ZNF385D: variants seen among roughly 807,000 people sequenced by gnomAD.
ZNF385D encodes the protein zinc finger protein 385D.
ZNF385D carries 15 observed loss-of-function variants against 35.8 expected under a neutral mutation model. That is an observed-to-expected ratio of 0.42 (90% CI 0.28 to 0.64). The LOEUF (loss-of-function observed/expected upper bound fraction) is 0.64, where lower values mean the gene tolerates loss of function less well. Ranked by LOEUF, ZNF385D falls within the 30% of genes least tolerant of loss-of-function variation. The probability of loss-of-function intolerance (pLI) is 0.23; values close to 1 mark genes in which losing one functional copy is unlikely to be tolerated. For synonymous variants in ZNF385D, 212 were observed against 186.8 expected, an observed-to-expected ratio of 1.13 and a Z score of -1.10; for missense variants, 474 against 494.6, an observed-to-expected ratio of 0.96 and a Z score of 0.39.
chr3:21,572,244 C>G (rs2063356227), intron 2 of ZNF385D, among the ~76,000 whole-genome samples: 1 of 152,092 alleles, frequency 6.6e-6, no homozygotes, highest in Non-Finnish European at 1.5e-5. Flanking sequence ...AAAGATAAGG[C>G]CAAACTTTTT....
intron 2 of ZNF385D, among the ~76,000 whole-genome samples, chr3:22,210,200 T>A (rs941361782): frequency 6.6e-6 from 1 of 151,904 alleles, no homozygotes; most frequent in Non-Finnish European, 1.5e-5. Context: ...GAGAGCTGCA[T>A]TAATAATCAT....
At chr3:21,819,103 T>G (rs2073281328) in intron 3 of ZNF385D, among the ~76,000 whole-genome samples, 3 of 151,986 alleles carry the variant, frequency 2.0e-5, no homozygotes, top group Non-Finnish European at 2.9e-5. Context: ...AATTAATACT[T>G]GGTTATAAAT....
At chr3:21,648,926 A>G (rs1405802414) in intron 2 of ZNF385D, among the ~76,000 whole-genome samples, 1 of 152,088 alleles carries the variant, frequency 6.6e-6, no homozygotes, top group African/African-American at 2.4e-5. Context: ...TATTATCTCC[A>G]TTTTACATGT....
At chr3:21,784,897 A>G (rs13100584) in intron 3 of ZNF385D, among the ~76,000 whole-genome samples, 74,516 of 151,978 alleles carry the variant, frequency 0.49, 19,241 homozygotes, top group Middle Eastern at 0.6. Flanking sequence ...TTAATTTATC[A>G]TGGACTTTTT....
intron 2 of ZNF385D, among the ~76,000 whole-genome samples, chr3:22,296,057 C>T (rs1046125192): frequency 7.2e-5 from 11 of 152,046 alleles, no homozygotes; most frequent in African/African-American, 1.4e-4. Flanking sequence ...AAGTGGAGGC[C>T]GCATACCATC....
intron 2 of ZNF385D, among the ~76,000 whole-genome samples, chr3:22,216,251 A>G (rs551645731): frequency 3.3e-5 from 5 of 152,080 alleles, no homozygotes; most frequent in South Asian, 4.1e-4. Context: ...GTAACTTGAT[A>G]AATGTTTTGA....
At chr3:21,784,800 T>A (rs1018245444) in intron 3 of ZNF385D, among the ~76,000 whole-genome samples, 2 of 152,160 alleles carry the variant, frequency 1.3e-5, no homozygotes, top group Admixed American at 6.5e-5. Context: ...AGGGTCAATT[T>A]TAGTGATGTC....
At chr3:22,140,901 T>G (rs1304362793) in intron 3 of ZNF385D, among the ~76,000 whole-genome samples, 3 of 152,198 alleles carry the variant, frequency 2.0e-5, no homozygotes, top group Admixed American at 2.0e-4. Context: ...AATACCCTAC[T>G]TTTTTAGTCA....
At chr3:22,233,461 G>A (rs1436713255) in intron 2 of ZNF385D, among the ~76,000 whole-genome samples, 3 of 152,196 alleles carry the variant, frequency 2.0e-5, no homozygotes, top group African/African-American at 4.8e-5. Context: ...ATGACTTTCT[G>A]AAATAATGTA....
At chr3:22,096,131 T>C (rs904224650) in intron 3 of ZNF385D, among the ~76,000 whole-genome samples, 29 of 151,726 alleles carry the variant, frequency 1.9e-4, no homozygotes, top group Non-Finnish European at 2.4e-4. Flanking sequence ...AAAAAAAATA[T>C]ATATACATGT....
At chr3:21,951,728 C>A (rs184267549) in intron 3 of ZNF385D, among the ~76,000 whole-genome samples, 1 of 151,702 alleles carries the variant, frequency 6.6e-6, no homozygotes, top group Admixed American at 6.6e-5. Context: ...TTTTACTATA[C>A]ATACTGAAAT....
intron 3 of ZNF385D, among the ~76,000 whole-genome samples, chr3:21,562,912 A>G (rs1414279370): frequency 6.6e-6 from 1 of 152,166 alleles, no homozygotes; most frequent in Non-Finnish European, 1.5e-5. Flanking sequence ...ATTCTGTGGT[A>G]AAGTTCTATC....
chr3:21,966,495 A>T (rs991839605), intron 3 of ZNF385D, among the ~76,000 whole-genome samples: 1 of 152,190 alleles, frequency 6.6e-6, no homozygotes. Context: ...TTATAATCAG[A>T]AATTGTTCAC....
At chr3:21,675,348 G>A (rs1177896902) in intron 1 of ZNF385D, among the ~76,000 whole-genome samples, 2 of 151,964 alleles carry the variant, frequency 1.3e-5, no homozygotes, top group Non-Finnish European at 2.9e-5. Context: ...TGGCATAAAA[G>A]CAATATTATT....
chr3:22,209,610 T>A (rs1032672088), intron 2 of ZNF385D, among the ~76,000 whole-genome samples: 1 of 151,932 alleles, frequency 6.6e-6, no homozygotes, highest in Non-Finnish European at 1.5e-5. Flanking sequence ...TCCAAGACTA[T>A]TTATCATATA....
intron 3 of ZNF385D, among the ~76,000 whole-genome samples, chr3:22,029,384 G>C (rs1333379471): frequency 2.6e-5 from 4 of 152,274 alleles, no homozygotes; most frequent in Middle Eastern, 3.4e-3. Context: ...GCCCAATTCA[G>C]GCAGGACTAC....
chr3:21,813,397 C>T (rs1360733989), intron 3 of ZNF385D, among the ~76,000 whole-genome samples: 9 of 152,146 alleles, frequency 5.9e-5, no homozygotes, highest in African/African-American at 2.2e-4. Flanking sequence ...TAATAACAAA[C>T]TTCTCCGAGC....
At chr3:21,812,963 C>T (rs1308302070) in intron 3 of ZNF385D, among the ~76,000 whole-genome samples, 4 of 152,156 alleles carry the variant, frequency 2.6e-5, no homozygotes, top group East Asian at 1.9e-4. Flanking sequence ...CAACTGACAC[C>T]TCATACAGCT....
intron 2 of ZNF385D, among the ~76,000 whole-genome samples, chr3:21,639,164 C>T (rs866455942): frequency 6.6e-6 from 1 of 152,152 alleles, no homozygotes; most frequent in East Asian, 1.9e-4. Flanking sequence ...TAGAAATATA[C>T]ACTGATCACT....
Sources: gnomAD v4.1 joint callset for allele counts (sites outside exome capture counted in the v4.1 genomes callset) on GRCh38, gnomAD v4.1.1 for gene constraint, MANE v1.5 for transcripts, NCBI Gene and HGNC (gene_info 2026-07-23, HGNC 2026-07-21) for gene names.